PARD3B: variants seen among roughly 807,000 people sequenced by gnomAD.
PARD3B encodes par-3 family cell polarity regulator beta, also known as partitioning defective 3 homolog B.
A neutral mutation model predicts 130.2 loss-of-function variants in PARD3B; 103 were observed. The ratio of observed to expected loss-of-function variants is 0.79; its 90% CI spans 0.67 to 0.93. The LOEUF is 0.93. Ranked by LOEUF, PARD3B falls within the 40% of genes least tolerant of loss-of-function variation. The pLI, the probability that PARD3B is intolerant of heterozygous loss-of-function variation, is 0.00. For missense variants in PARD3B, 1,609 were observed against 1,499.2 expected (o/e 1.07, Z -1.21); for synonymous variants, 583 against 553.2 (o/e 1.05, Z -0.76).
At chr2:204,582,053 G>T (rs2032583864) in intron 1 of PARD3B, among the ~76,000 whole-genome samples, 1 of 152,088 alleles carries the variant, frequency 6.6e-6, no homozygotes, top group Admixed American at 6.5e-5. Context: ...TTGCCTTTTT[G>T]CCCTTTCATG....
At chr2:204,927,415 CA>C in intron 2 of PARD3B, among the ~76,000 whole-genome samples, 1 of 152,252 alleles carries the variant, frequency 6.6e-6, no homozygotes, top group African/African-American at 2.4e-5. Context: ...AGCAGGCCCT[CA>C]CCAGACACCA....
rs770493028 is a variant in PARD3B, at chr2:205,471,720, C to T, written c.3045-28176C>T. Among the ~76,000 whole-genome samples, 41 of 152,148 alleles carry T rather than the reference C, an allele frequency of 2.7e-4. 1 individual carries two copies. The highest frequency in any genetic ancestry group is 5.3e-4 in the Non-Finnish European group (36 of 68,020). On this transcript the variant is annotated intron_variant, in intron 20 of 22. Transcript: ENST00000406610. Reference sequence around the variant, plus strand: ...ACCTGAGATACTCACTAGAAAATACCTTGGCCATTAATTGGTCAGAACTGT... The same window carrying T: ...ACCTGAGATACTCACTAGAAAATACTTTGGCCATTAATTGGTCAGAACTGT...
At chr2:205,257,647 C>T (rs1333014748) in intron 16 of PARD3B, among the ~76,000 whole-genome samples, 3 of 152,260 alleles carry the variant, frequency 2.0e-5, no homozygotes, top group Middle Eastern at 6.8e-3. Flanking sequence ...TTTTCACTTA[C>T]AGCGCTGCTA....
chr2:204,793,411 T>A (rs1363924317), intron 2 of PARD3B, among the ~76,000 whole-genome samples: 1 of 152,220 alleles, frequency 6.6e-6, no homozygotes. Context: ...TATATATGCT[T>A]GTAGGATTGT....
chr2:204,943,703 G>A lies in PARD3B; in HGVS notation c.223-21449G>A, dbSNP rs1689091851. Among the ~76,000 whole-genome samples, 1 of 152,128 alleles carries A rather than the reference G, an allele frequency of 6.6e-6. No individual in the cohort carries two copies. The highest frequency in any genetic ancestry group is 2.1e-4 in the South Asian group (1 of 4,826). ...GGACCAGTTAAGGAGCATAAGAAAG[G>A]CTGGTTTTGGCAAGCAGAGGACAAA... is the stretch of plus-strand genomic sequence containing the variant. On this transcript the variant is annotated intron_variant, in intron 2 of 22. Transcript: ENST00000406610. This position sits in a 1 kb window ranked among gnomAD's most constrained non-coding sequence, Gnocchi z 4.2.
chr2:205,224,763 T>C (rs1440586085), intron 15 of PARD3B, among the ~76,000 whole-genome samples: 6 of 152,174 alleles, frequency 3.9e-5, no homozygotes, highest in Admixed American at 3.9e-4. Flanking sequence ...TCATTCTTTT[T>C]TATGGCTGAA....
chr2:205,542,231 AT>A (rs2052181421), intron 21 of PARD3B, among the ~76,000 whole-genome samples: 1 of 151,258 alleles, frequency 6.6e-6, no homozygotes, highest in African/African-American at 2.4e-5. Flanking sequence ...TTGAGCATGC[AT>A]AAGAAGGACA....
chr2:204,801,030 G>A (rs2042549002), intron 2 of PARD3B, among the ~76,000 whole-genome samples: 2 of 152,090 alleles, frequency 1.3e-5, no homozygotes, highest in Admixed American at 6.5e-5. Context: ...GTAGATGTGT[G>A]GGGTCACTTC....
intron 21 of PARD3B, among the ~76,000 whole-genome samples, chr2:205,529,578 C>CTCT (rs1652455250): frequency 6.6e-6 from 1 of 152,084 alleles, no homozygotes; most frequent in African/African-American, 2.4e-5. Flanking sequence ...GGAATTGAGA[C>CTCT]TCTACATTGT....
chr2:205,273,990 A>G (rs1448484688), intron 16 of PARD3B, among the ~76,000 whole-genome samples: 2 of 152,186 alleles, frequency 1.3e-5, no homozygotes, highest in Non-Finnish European at 2.9e-5. Context: ...ACACACCACC[A>G]TGAGTGTGTG....
chr2:204,914,144 C>T (rs559793739), intron 2 of PARD3B, among the ~76,000 whole-genome samples: 3 of 152,262 alleles, frequency 2.0e-5, no homozygotes, highest in South Asian at 2.1e-4. Context: ...GGGGAGGAGC[C>T]GGGCCTCTCC....
intron 13 of PARD3B, among the ~76,000 whole-genome samples, chr2:205,180,990 A>C (rs941538378): frequency 6.6e-6 from 1 of 152,152 alleles, no homozygotes; most frequent in Non-Finnish European, 1.5e-5. Context: ...GAATAGCCTC[A>C]TGCAGTTTGC....
At chr2:204,979,586 T>A (rs1053767942) in intron 3 of PARD3B, among the ~76,000 whole-genome samples, 3 of 152,094 alleles carry the variant, frequency 2.0e-5, no homozygotes, top group African/African-American at 7.2e-5. Context: ...ATAAGGACAG[T>A]GTAGAATTGA....
chr2:205,141,770 G>A (rs1051248555), intron 10 of PARD3B, among the ~76,000 whole-genome samples: 1 of 152,314 alleles, frequency 6.6e-6, no homozygotes, highest in Middle Eastern at 3.4e-3. Context: ...TGATGATGGT[G>A]ATGGTGGTTA....
intron 2 of PARD3B, among the ~76,000 whole-genome samples, chr2:204,762,200 C>A (rs2040935466): frequency 1.4e-5 from 2 of 143,162 alleles, no homozygotes; most frequent in Admixed American, 7.3e-5. Context: ...CGGCTGACTG[C>A]AACCTCTGCC....
At chr2:205,417,769 C>T (rs1300834344) in intron 19 of PARD3B, among the ~76,000 whole-genome samples, 18 of 152,186 alleles carry the variant, frequency 1.2e-4, no homozygotes, top group Non-Finnish European at 2.1e-4. Flanking sequence ...CACTGAAACA[C>T]AGAAATTTTT....
chr2:205,001,875 G>A (rs192890493), intron 3 of PARD3B, among the ~76,000 whole-genome samples: 32 of 152,276 alleles, frequency 2.1e-4, no homozygotes, highest in Admixed American at 2.1e-3. Context: ...TAGTGTTGAG[G>A]ACTACATTGG....
intron 18 of PARD3B, among the ~76,000 whole-genome samples, chr2:205,324,331 G>A (rs1204866742): frequency 6.6e-6 from 1 of 151,934 alleles, no homozygotes; most frequent in Admixed American, 6.6e-5. Flanking sequence ...ATAGATAAAG[G>A]TTACCCATAT....
At chr2:205,387,947 C>A (rs1325575033) in intron 18 of PARD3B, among the ~76,000 whole-genome samples, 2 of 152,162 alleles carry the variant, frequency 1.3e-5, no homozygotes, top group Non-Finnish European at 2.9e-5. Flanking sequence ...TCTGAATAAA[C>A]ACGTAGCTGG....
Sources: gnomAD v4.1 joint callset for allele counts (sites outside exome capture counted in the v4.1 genomes callset) on GRCh38, gnomAD v4.1.1 for gene constraint, Gnocchi (gnomAD v3.1) non-coding constraint, MANE v1.5 for transcripts, NCBI Gene and HGNC (gene_info 2026-07-23, HGNC 2026-07-21) for gene names.